Variants in ROBO2 observed in about 807,000 individuals in gnomAD.
ROBO2 encodes the protein roundabout homolog 2.
Under a neutral mutation model 160.8 loss-of-function variants are expected in ROBO2, and 53 were observed. The ratio of observed to expected loss-of-function variants is 0.33; its 90% CI spans 0.26 to 0.41. The LOEUF (loss-of-function observed/expected upper bound fraction) is 0.41, where lower values mean the gene tolerates loss of function less well. Among genes scored for constraint, ROBO2 ranks in the 10% least tolerant of loss-of-function variants. The pLI, the probability that ROBO2 is intolerant of heterozygous loss-of-function variation, is 1.00. For synonymous variants in ROBO2, 664 were observed against 611.7 expected (o/e 1.09, Z -1.26); for missense variants, 1,577 against 1,722.4 (o/e 0.92, Z 1.49).
intron 2 of ROBO2, among the ~76,000 whole-genome samples, chr3:76,939,675 T>C (rs980746607): frequency 3.3e-5 from 5 of 152,082 alleles, no homozygotes; most frequent in African/African-American, 9.7e-5. Flanking sequence ...TCTCAGCTTC[T>C]TGGGGAGCTG....
intron 2 of ROBO2, among the ~76,000 whole-genome samples, chr3:77,447,375 GTTC>G (rs1250132347): frequency 6.6e-6 from 1 of 151,988 alleles, no homozygotes; most frequent in Non-Finnish European, 1.5e-5. Context: ...TATTGATGAG[GTTC>G]TTCTTCAGTA....
At chr3:77,383,130 C>T (rs1208506098) in intron 2 of ROBO2, among the ~76,000 whole-genome samples, 1 of 152,098 alleles carries the variant, frequency 6.6e-6, no homozygotes, top group African/African-American at 2.4e-5. Context: ...TCAGCTACTT[C>T]ACTGGAAATA....
In ROBO2 at chr3:76,640,108, G is replaced by C. The variant is rs140972946; in HGVS notation, c.110-457906G>C. 4.5e-3 allele frequency among the ~76,000 whole-genome samples: 681 copies of C among 152,288 alleles called. 6 individuals are homozygous for C. The highest frequency in any genetic ancestry group is 0.016 in the African/African-American group (660 of 41,560). On this transcript the variant is annotated intron_variant, in intron 2 of 26. Transcript: ENST00000487694. Reference sequence around the variant, plus strand: ...TAAGTGACTATATACGATACGATGAGAGCCATATTCTTTGCTCAGAGATGT... The same window carrying C: ...TAAGTGACTATATACGATACGATGACAGCCATATTCTTTGCTCAGAGATGT...
intron 2 of ROBO2, among the ~76,000 whole-genome samples, chr3:77,205,066 G>A (rs942579772): frequency 2.0e-5 from 3 of 152,140 alleles, no homozygotes; most frequent in Non-Finnish European, 4.4e-5. Context: ...TGGATGCCTG[G>A]GGCTCCAGTG....
At chr3:77,361,335 A>G (rs2069957916) in intron 2 of ROBO2, among the ~76,000 whole-genome samples, 1 of 152,142 alleles carries the variant, frequency 6.6e-6, no homozygotes, top group Admixed American at 6.6e-5. Context: ...TCCAAATTTC[A>G]CTATTTTTTT....
intron 2 of ROBO2, among the ~76,000 whole-genome samples, chr3:76,145,967 A>G (rs576447564): frequency 1.3e-5 from 2 of 152,126 alleles, no homozygotes; most frequent in East Asian, 3.9e-4. Context: ...GGGTGAACTA[A>G]CTGAAACCTT....
chr3:76,082,722 T>TC (rs759518855), intron 2 of ROBO2, among the ~76,000 whole-genome samples: 24 of 152,250 alleles, frequency 1.6e-4, no homozygotes, highest in Non-Finnish European at 3.1e-4. Context: ...TTATTTTTCT[T>TC]TAAAAAAATC....
At chr3:77,114,716 A>G (rs2074023891) in intron 2 of ROBO2, among the ~76,000 whole-genome samples, 1 of 152,328 alleles carries the variant, frequency 6.6e-6, no homozygotes, top group Non-Finnish European at 1.5e-5. Flanking sequence ...GATTCCTAGT[A>G]TATCAACTAA....
intron 2 of ROBO2, among the ~76,000 whole-genome samples, chr3:77,205,844 G>GT (rs1305847486): frequency 1.3e-5 from 2 of 152,136 alleles, no homozygotes; most frequent in Non-Finnish European, 2.9e-5. Context: ...TGAAACATGC[G>GT]TAAGATCAGG....
chr3:75,922,509 T>C (rs1048205346), intron 1 of ROBO2, among the ~76,000 whole-genome samples: 2 of 152,010 alleles, frequency 1.3e-5, no homozygotes, highest in African/African-American at 4.8e-5. Flanking sequence ...ATTTAAAATA[T>C]GAGTAGTTCC....
intron 2 of ROBO2, among the ~76,000 whole-genome samples, chr3:76,256,711 G>A (rs1415963726): frequency 3.3e-5 from 5 of 151,864 alleles, no homozygotes; most frequent in Admixed American, 1.3e-4. Context: ...GTTAACTTTT[G>A]TGTTAGGCCA....
At chr3:77,442,390 T>C (rs1581977634) in intron 2 of ROBO2, among the ~76,000 whole-genome samples, 1 of 152,130 alleles carries the variant, frequency 6.6e-6, no homozygotes, top group Non-Finnish European at 1.5e-5. Context: ...AGAGAGAGTA[T>C]GGTCATTCTG....
intron 2 of ROBO2, among the ~76,000 whole-genome samples, chr3:76,025,586 TG>T (rs1407059138): frequency 6.6e-6 from 1 of 151,692 alleles, no homozygotes; most frequent in Non-Finnish European, 1.5e-5. Flanking sequence ...GAGTCTCTCA[TG>T]AGGCTCAGAT....
intron 2 of ROBO2, among the ~76,000 whole-genome samples, chr3:76,528,682 A>G (rs1034548636): frequency 1.1e-4 from 17 of 152,062 alleles, no homozygotes; most frequent in East Asian, 3.9e-4. Flanking sequence ...GTTAGGCTGC[A>G]TATGTAGGTT....
intron 2 of ROBO2, among the ~76,000 whole-genome samples, chr3:76,967,547 T>A (rs1252902663): frequency 7.2e-6 from 1 of 138,728 alleles, no homozygotes; most frequent in African/African-American, 2.7e-5. Context: ...TTTTAAACAA[T>A]GTTATGCTCT....
At chr3:76,334,888 A>G (rs1245907967) in intron 2 of ROBO2, among the ~76,000 whole-genome samples, 1 of 152,180 alleles carries the variant, frequency 6.6e-6, no homozygotes, top group African/African-American at 2.4e-5. Flanking sequence ...TAAAAGGCTA[A>G]TATTTCTAAT....
chr3:76,371,249 C>A (rs1283753530), intron 2 of ROBO2, among the ~76,000 whole-genome samples: 2 of 151,940 alleles, frequency 1.3e-5, no homozygotes, highest in South Asian at 2.1e-4. Flanking sequence ...CTATCTGTAA[C>A]CTTCTTTGGG....
intron 2 of ROBO2, among the ~76,000 whole-genome samples, chr3:76,928,319 AC>A (rs1402756849): frequency 6.6e-6 from 1 of 152,090 alleles, no homozygotes; most frequent in African/African-American, 2.4e-5. Context: ...ACCTACCCAT[AC>A]CTTGATTTTA....
At chr3:77,190,424 G>T (rs977817460) in intron 2 of ROBO2, among the ~76,000 whole-genome samples, 4 of 151,964 alleles carry the variant, frequency 2.6e-5, no homozygotes, top group Non-Finnish European at 5.9e-5. Flanking sequence ...GATATTGTCT[G>T]AGTGCTCTAT....
Sources: allele counts gnomAD v4.1 joint callset (sites outside exome capture counted in the v4.1 genomes callset), GRCh38; gene constraint gnomAD v4.1.1; transcripts MANE v1.5; gene names NCBI Gene and HGNC (gene_info 2026-07-23, HGNC 2026-07-21).